Variants in CCDC102B observed in about 807,000 individuals in gnomAD.
The protein encoded by CCDC102B is coiled-coil domain-containing protein 102B.
A neutral mutation model predicts 57.4 loss-of-function variants in CCDC102B; 75 were observed. That is an observed-to-expected ratio of 1.31 (90% CI 1.08 to 1.58). CCDC102B has a LOEUF of 1.58. Among genes scored for constraint, CCDC102B ranks in the 40% most tolerant of loss-of-function variants. The probability of loss-of-function intolerance (pLI) is 0.00; values close to 1 mark genes in which losing one functional copy is unlikely to be tolerated. For missense variants in CCDC102B, 636 were observed against 582.6 expected (o/e 1.09, Z -0.94); for synonymous variants, 206 against 201.9 (o/e 1.02, Z -0.17).
chr18:68,884,913 T>C (rs986327842), intron 5 of CCDC102B, among the ~76,000 whole-genome samples: 11 of 151,862 alleles, frequency 7.2e-5, no homozygotes, highest in South Asian at 4.1e-4. Context: ...CTATGTGAGG[T>C]GATGTATATG....
At chr18:68,879,118 G>A (rs2039573473) in intron 5 of CCDC102B, among the ~76,000 whole-genome samples, 1 of 151,284 alleles carries the variant, frequency 6.6e-6, no homozygotes, top group Non-Finnish European at 1.5e-5. Context: ...TCCTCCCAGT[G>A]GGCTCGTGGT....
At chr18:68,821,474 A>C (rs2036687002) in intron 1 of CCDC102B, among the ~76,000 whole-genome samples, 1 of 151,680 alleles carries the variant, frequency 6.6e-6, no homozygotes, top group Admixed American at 6.6e-5. Flanking sequence ...CTCACATACA[A>C]TATTTAAATG....
intron 2 of CCDC102B, among the ~76,000 whole-genome samples, chr18:68,742,505 C>G (rs2033435544): frequency 6.6e-6 from 1 of 152,178 alleles, no homozygotes; most frequent in Non-Finnish European, 1.5e-5. Flanking sequence ...TTAAATGTTA[C>G]ATGCCAGTCT....
At chr18:68,990,361 A>G (rs959250006) in intron 6 of CCDC102B, among the ~76,000 whole-genome samples, 2 of 152,190 alleles carry the variant, frequency 1.3e-5, no homozygotes, top group African/African-American at 2.4e-5. Flanking sequence ...CTGAAGAGAT[A>G]CAGGATCCAG....
Position 68,971,567 on chromosome 18 carries a change from G to T in CCDC102B, c.1264-39367G>T, listed in dbSNP as rs139478418. Among the ~76,000 whole-genome samples, 407 of 152,164 alleles carry T rather than the reference G, an allele frequency of 2.7e-3. 1 individual carries two copies. Among genetic ancestry groups the T allele is most frequent in the African/African-American group, 9.1e-3 (378 of 41,538 alleles). On this transcript the variant is annotated intron_variant, in intron 6 of 7. Transcript: ENST00000360242. ...TGAAGTGTGCACCAATAATTAATCT[G>T]CCCCTTTAGGTAAGGGGAAAGGGAA... is the stretch of plus-strand genomic sequence containing the variant.
rs114737923 is a variant in CCDC102B, at chr18:68,772,230, C to T, written c.-66-51136C>T. On this transcript the variant is annotated intron_variant, in intron 2 of 3. Coordinates refer to the CCDC102B transcript ENST00000578970. ...GTACAAAATCTAGTATCGTTTAACACAATGACTTTTTTTTTACTCAGTGAA... is the reference window on the plus strand; with the variant it reads ...GTACAAAATCTAGTATCGTTTAACATAATGACTTTTTTTTTACTCAGTGAA... 2.9e-3 allele frequency among the ~76,000 whole-genome samples: 434 copies of T among 152,188 alleles called. 1 individual carries two copies. Among genetic ancestry groups the T allele is most frequent in the African/African-American group, 0.01 (416 of 41,530 alleles).
At chr18:68,785,463 A>G (rs1336482884) in intron 2 of CCDC102B, among the ~76,000 whole-genome samples, 3 of 151,658 alleles carry the variant, frequency 2.0e-5, no homozygotes, top group Non-Finnish European at 3.0e-5. Context: ...AAGTGTTCCT[A>G]TTTCTCCACA....
intron 3 of CCDC102B, among the ~76,000 whole-genome samples, chr18:68,840,049 AAG>A (rs2037560615): frequency 1.3e-5 from 2 of 152,182 alleles, no homozygotes; most frequent in Non-Finnish European, 2.9e-5. Flanking sequence ...ACATCTGGGA[AAG>A]AGAATAGTAA....
At chr18:68,801,287 G>C (rs1322114765) in intron 1 of CCDC102B, among the ~76,000 whole-genome samples, 1 of 152,090 alleles carries the variant, frequency 6.6e-6, no homozygotes, top group Non-Finnish European at 1.5e-5. Context: ...ACTAATTGTA[G>C]ATGCTCAATG....
chr18:69,004,574 C>A (rs557734162), intron 6 of CCDC102B, among the ~76,000 whole-genome samples: 109 of 152,236 alleles, frequency 7.2e-4, no homozygotes, highest in African/African-American at 2.5e-3. Context: ...AGGCACAGGG[C>A]AGAAACTTCC....
chr18:68,784,127 G>A (rs1277750995), intron 2 of CCDC102B, among the ~76,000 whole-genome samples: 1 of 152,138 alleles, frequency 6.6e-6, no homozygotes, highest in Non-Finnish European at 1.5e-5. Flanking sequence ...TGGCATTGCT[G>A]TAAAGAAATG....
upstream of CCDC102B, among the ~76,000 whole-genome samples, chr18:68,793,267 GT>G (rs202011091): frequency 0.011 from 1,631 of 152,178 alleles, 15 homozygotes; most frequent in Non-Finnish European, 0.019. Flanking sequence ...AAATATTGTT[GT>G]CATTAAAATT....
chr18:69,009,785 GC>G (rs2051452586), intron 6 of CCDC102B, among the ~76,000 whole-genome samples: 1 of 151,080 alleles, frequency 6.6e-6, no homozygotes. Context: ...TTTTATTATT[GC>G]CTTTTTTGTG....
chr18:68,876,802 C>T (rs923823227), intron 5 of CCDC102B, among the ~76,000 whole-genome samples: 1 of 152,010 alleles, frequency 6.6e-6, no homozygotes, highest in Non-Finnish European at 1.5e-5. Flanking sequence ...ATGACTAAAC[C>T]ACTGGAGAAA....
chr18:68,991,221 C>G (rs1489828899), intron 6 of CCDC102B, among the ~76,000 whole-genome samples: 1 of 145,164 alleles, frequency 6.9e-6, no homozygotes, highest in Admixed American at 7.2e-5. Context: ...CTTCATTTCT[C>G]TAGAATTATG....
chr18:69,004,379 C>A (rs993229684), intron 6 of CCDC102B, among the ~76,000 whole-genome samples: 1 of 152,150 alleles, frequency 6.6e-6, no homozygotes, highest in South Asian at 2.1e-4. Context: ...ACCTTTGGAC[C>A]TGTCCCAAGT....
At chr18:69,043,036 G>T (rs140464203) in intron 7 of CCDC102B, among the ~76,000 whole-genome samples, 4,518 of 152,192 alleles carry the variant, frequency 0.03, 148 homozygotes, top group East Asian at 0.16. Context: ...TTGATCATTC[G>T]TGGGTGTTTC....
intron 2 of CCDC102B, among the ~76,000 whole-genome samples, chr18:68,744,489 T>C (rs1323650038): frequency 6.6e-6 from 1 of 152,192 alleles, no homozygotes; most frequent in Non-Finnish European, 1.5e-5. Flanking sequence ...CTGCTAGGGC[T>C]AGGTAGAAAA....
Position 69,010,853 on chromosome 18 carries a change from C to T in CCDC102B, c.1264-81C>T. ...TAAATTCTTCCTAAAATGTTTTTCT[C>T]TTTTGTCAAAAGAAGTTGCCATTCT... On this transcript the variant is annotated intron_variant, in intron 6 of 7. Coordinates refer to ENST00000360242, the MANE Select transcript of CCDC102B (RefSeq NM_024781.3). 2.9e-6 allele frequency: 3 copies of T among 1,029,940 alleles called. No individual in the cohort carries two copies. In the South Asian group the frequency reaches 7.5e-5, roughly 26 times the overall value. 63.8% of individuals were successfully genotyped at this position (1,029,940 alleles called of 1,614,324 possible).
Sources: gnomAD v4.1 joint callset for allele counts (sites outside exome capture counted in the v4.1 genomes callset) on GRCh38, gnomAD v4.1.1 for gene constraint, MANE v1.5 for transcripts, NCBI Gene and HGNC (gene_info 2026-07-23, HGNC 2026-07-21) for gene names.